The following NEK7 variants were observed in gnomAD, a reference collection of about 807,000 sequenced individuals.
NEK7 encodes NIMA related kinase 7.
A neutral mutation model predicts 44.6 loss-of-function variants in NEK7; 18 were observed. The observed-to-expected ratio is 0.40, with a 90% CI of 0.28 to 0.60. The LOEUF is 0.60. Ranked by LOEUF, NEK7 falls within the 20% of genes least tolerant of loss-of-function variation. The pLI is 0.38. For missense variants in NEK7, 256 were observed against 366.5 expected, an observed-to-expected ratio of 0.70 and a Z score of 2.46; for synonymous variants, 130 against 121.1, an observed-to-expected ratio of 1.07 and a Z score of -0.48.
At chr1:198,246,556 G>A (rs190264183) in intron 2 of NEK7, among the ~76,000 whole-genome samples, 3 of 152,228 alleles carry the variant, frequency 2.0e-5, no homozygotes, top group Non-Finnish European at 2.9e-5. Flanking sequence ...CCACTCTGGC[G>A]GCCAAGCACA....
chr1:198,213,811 T>C (rs1665845407), intron 1 of NEK7, among the ~76,000 whole-genome samples: 1 of 152,162 alleles, frequency 6.6e-6, no homozygotes, highest in Non-Finnish European at 1.5e-5. Context: ...CTGCCCACCA[T>C]TGGGATATTG....
chr1:198,203,629 C>T (rs1665502975), intron 1 of NEK7, among the ~76,000 whole-genome samples: 1 of 152,190 alleles, frequency 6.6e-6, no homozygotes. Context: ...CCTTTTCATC[C>T]AGTGAGGACT....
At chr1:198,286,516 T>C (rs1654375511) in intron 7 of NEK7, among the ~76,000 whole-genome samples, 1 of 152,088 alleles carries the variant, frequency 6.6e-6, no homozygotes, top group South Asian at 2.1e-4. Context: ...CACATAGAAT[T>C]GAGTGTTTCA....
intron 1 of NEK7, among the ~76,000 whole-genome samples, chr1:198,184,078 A>G (rs1357142014): frequency 2.0e-5 from 3 of 152,178 alleles, no homozygotes; most frequent in Non-Finnish European, 4.4e-5. Context: ...TGATTTTATA[A>G]TGAGATTTGT....
At chr1:198,175,598 G>T (rs1433307626) in intron 1 of NEK7, among the ~76,000 whole-genome samples, 2 of 152,186 alleles carry the variant, frequency 1.3e-5, no homozygotes, top group African/African-American at 4.8e-5. Context: ...TATTACAGCT[G>T]AATGATTAGC....
intron 3 of NEK7, among the ~76,000 whole-genome samples, chr1:198,259,809 ACT>A (rs1653394633): frequency 7.0e-6 from 1 of 143,670 alleles, no homozygotes; most frequent in African/African-American, 2.8e-5. Context: ...TTACACACAC[ACT>A]CACACACACA....
chr1:198,269,573 G>A (rs999125858), intron 5 of NEK7, among the ~76,000 whole-genome samples: 1 of 152,006 alleles, frequency 6.6e-6, no homozygotes, highest in Non-Finnish European at 1.5e-5. Flanking sequence ...TTTCTTTTTA[G>A]TGAGTAATAT....
At chr1:198,180,531 G>A (rs1664735454) in intron 1 of NEK7, among the ~76,000 whole-genome samples, 1 of 152,018 alleles carries the variant, frequency 6.6e-6, no homozygotes, top group Non-Finnish European at 1.5e-5. Flanking sequence ...GGTGGTGATA[G>A]AGACAGGGCT....
At chr1:198,174,317 T>G (rs531732832) in intron 1 of NEK7, among the ~76,000 whole-genome samples, 57 of 152,292 alleles carry the variant, frequency 3.7e-4, no homozygotes, top group African/African-American at 1.3e-3. Flanking sequence ...TTTTCCTTCC[T>G]TTCTTAATTT....
Position 198,319,483 on chromosome 1 carries a change from C to T in NEK7, c.870C>T (p.Asp290=), listed in dbSNP as rs749221764. ...GACCAGACGTCACCTATGTTTATGA[C>T]GTAGCAAAGAGGATGCATGCATGCA... is the stretch of plus-strand genomic sequence containing the variant. The part of the protein sequence containing the change: ...EKRPDVTYVY[D]VAKRMHACTA... The change falls in exon 10 of 10, where the codon GAC becomes GAT. Residue 290 remains aspartate (D), a synonymous_variant. Transcript: ENST00000367385. 1.6e-5 allele frequency: 25 copies of T among 1,612,676 alleles called. No homozygotes were observed. The highest frequency in any genetic ancestry group is 1.3e-4 in the East Asian group (6 of 44,870).
intron 5 of NEK7, 70 bp downstream of exon 5, chr1:198,264,305 C>T: frequency 9.3e-7 from 1 of 1,069,542 alleles, no homozygotes; most frequent in Non-Finnish European, 1.4e-6. Context: ...CTGTTAAACA[C>T]ATAGGGATAT....
intron 9 of NEK7, among the ~76,000 whole-genome samples, chr1:198,302,841 G>A (rs567714787): frequency 6.6e-6 from 1 of 152,126 alleles, no homozygotes; most frequent in East Asian, 1.9e-4. Flanking sequence ...GCAAACACTG[G>A]ACATCACAGT....
intron 2 of NEK7, among the ~76,000 whole-genome samples, chr1:198,237,248 A>G (rs1280612806): frequency 6.6e-6 from 1 of 152,044 alleles, no homozygotes; most frequent in Admixed American, 6.6e-5. Context: ...TTTTCTATCT[A>G]TATCCCTTAC....
intron 1 of NEK7, among the ~76,000 whole-genome samples, chr1:198,183,883 C>T (rs541643962): frequency 8.5e-5 from 13 of 152,194 alleles, no homozygotes; most frequent in Non-Finnish European, 1.9e-4. Context: ...GTTCAAGAAA[C>T]AGGTGAAGAA....
chr1:198,250,806 T>A (rs538336392), intron 2 of NEK7, among the ~76,000 whole-genome samples: 3 of 148,166 alleles, frequency 2.0e-5, no homozygotes, highest in Non-Finnish European at 3.0e-5. Flanking sequence ...TTTCTAGATA[T>A]ACAATCATGT....
Position 198,253,124 on chromosome 1 carries a change from G to A in NEK7, c.142G>A (p.Val48Ile). ...AATTGGTCGCGGACAATTTAGTGAA[G>A]TTTATAGAGCAGCCTGTCTCTTGGA... ...KKIGRGQFSE[V>I]YRAACLLDGV... Residue 48 changes from valine to isoleucine, a missense_variant, in exon 3 of 10, where the codon GTT becomes ATT. Transcript: ENST00000367385. 6.2e-7 allele frequency: 1 copy of A among 1,612,442 alleles called. No homozygotes were observed. Among genetic ancestry groups the A allele is most frequent in the Non-Finnish European group, 8.5e-7 (1 of 1,178,760 alleles).
chr1:198,194,846 C>T (rs1665187310), intron 1 of NEK7, among the ~76,000 whole-genome samples: 1 of 151,972 alleles, frequency 6.6e-6, no homozygotes, highest in African/African-American at 2.4e-5. Context: ...AATGGGATTG[C>T]TGGGTTGAAT....
intron 8 of NEK7, among the ~76,000 whole-genome samples, chr1:198,296,709 T>C (rs969590531): frequency 6.6e-6 from 1 of 152,222 alleles, no homozygotes; most frequent in Non-Finnish European, 1.5e-5. Context: ...CTATGCTAGA[T>C]TATAATTCAG....
chr1:198,216,734 T>C (rs987454443), intron 1 of NEK7, among the ~76,000 whole-genome samples: 2 of 151,938 alleles, frequency 1.3e-5, no homozygotes, highest in African/African-American at 4.8e-5. Flanking sequence ...ATAAGCTCAA[T>C]TAAAAGTGAA....
Sources: gnomAD v4.1 joint callset for allele counts (sites outside exome capture counted in the v4.1 genomes callset) on GRCh38, gnomAD v4.1.1 for gene constraint, MANE v1.5 for transcripts, NCBI Gene and HGNC (gene_info 2026-07-23, HGNC 2026-07-21) for gene names.